TRMT44: variants seen among roughly 807,000 people sequenced by gnomAD.
TRMT44 encodes the protein probable tRNA (uracil-O(2)-)-methyltransferase.
A neutral mutation model predicts 77.3 loss-of-function variants in TRMT44; 78 were observed. The ratio of observed to expected loss-of-function variants is 1.01; its 90% CI spans 0.84 to 1.22. TRMT44 has a LOEUF of 1.22. Ranked by LOEUF, TRMT44 falls within the 50% of genes most tolerant of loss-of-function variation. The pLI is 0.00. For synonymous variants in TRMT44, 391 were observed against 383.3 expected (o/e 1.02, Z -0.23); for missense variants, 1,090 against 964.4 (o/e 1.13, Z -1.73).
chr4:8,482,590 G>C (rs1560248245), intron 2 of TRMT44, among the ~76,000 whole-genome samples: 1 of 152,232 alleles, frequency 6.6e-6, no homozygotes, highest in Non-Finnish European at 1.5e-5. Flanking sequence ...GCGGGCAGGA[G>C]TGGGGGTCGC....
At position 8,471,206 on chromosome 4, in the gene TRMT44, G is replaced by A. The variant is rs773648515; in HGVS notation, c.2044+6G>A. 26 of 1,545,308 alleles carry A rather than the reference G, an allele frequency of 1.7e-5. No homozygotes were observed. Among genetic ancestry groups the A allele is most frequent in the Middle Eastern group, 3.5e-4 (2 of 5,782 alleles). ...CAGCCACCAGGTGTTCCAAGGTACG[G>A]AGTCCGCCTCTCCCCCGCCGTTCTT... is the stretch of plus-strand genomic sequence containing the variant. On this transcript the variant is annotated splice_donor_region_variant and intron_variant, in intron 10 of 10. Transcript: ENST00000389737.
Position 8,446,636 on chromosome 4 carries a change from G to T in TRMT44, c.734+46G>T. On this transcript the variant is annotated intron_variant, in intron 2 of 10. Coordinates refer to ENST00000389737, the MANE Select transcript of TRMT44 (RefSeq NM_152544.3). The surrounding 1 kb of genome is among the most constrained non-coding windows in gnomAD (Gnocchi z 4.3). Reference sequence around the variant, plus strand: ...TCCTAGTTTTATGGTTTCCATTGAGGATTTCTTTAGGTAGCCAAAGGATTC... The same window carrying T: ...TCCTAGTTTTATGGTTTCCATTGAGTATTTCTTTAGGTAGCCAAAGGATTC... 7.3e-7 allele frequency: 1 copy of T among 1,371,960 alleles called. No individual in the cohort carries two copies. Among genetic ancestry groups the T allele is most frequent in the East Asian group, 2.5e-5 (1 of 39,884 alleles). 85.0% of individuals were successfully genotyped at this position (1,371,960 alleles called of 1,614,324 possible).
At chr4:8,498,166 G>A (rs943261783), downstream of TRMT44, among the ~76,000 whole-genome samples, 5 of 152,078 alleles carry the variant, frequency 3.3e-5, no homozygotes, top group African/African-American at 1.2e-4. This position sits in a 1 kb window ranked among gnomAD's most constrained non-coding sequence, Gnocchi z 4.3. Context: ...CAGTAGTTTG[G>A]GCAGCTGTGA....
rs1287772512 is a variant in TRMT44 at position 8,454,780 on chromosome 4, C to G, written c.1170C>G (p.Ile390Met). Residue 390 changes from isoleucine (I) to methionine (M), a missense_variant, in exon 6 of 11, where the codon ATC becomes ATG. Physicochemically the swap from Ile to Met is conservative, Grantham distance 10. Coordinates refer to ENST00000389737, the MANE Select transcript of TRMT44 (RefSeq NM_152544.3). ...GRGIDVRRRK[I>M]WDMYGPQTQL... ...GGATTGATGTCCGAAGAAGAAAAAT[C>G]TGGGACATGTATGGACCACAAACTC... 4.3e-6 allele frequency: 7 copies of G among 1,614,224 alleles called. No individual in the cohort carries two copies. Among genetic ancestry groups the G allele is most frequent in the Non-Finnish European group, 4.2e-6 (5 of 1,180,042 alleles).
chr4:8,511,463 AG>A, the TRMT44 span, among the ~76,000 whole-genome samples: 9 of 152,166 alleles, frequency 5.9e-5, no homozygotes, highest in Non-Finnish European at 1.2e-4. Flanking sequence ...ACTTTGCAGA[AG>A]TGATTTTGGA....
At position 8,440,932 on chromosome 4, in the gene TRMT44, G is replaced by A. The variant is rs1449759347; in HGVS notation, c.110G>A (p.Arg37Gln). 3.3e-6 allele frequency: 5 copies of A among 1,530,090 alleles called. No individual in the cohort carries two copies. Among genetic ancestry groups the A allele is most frequent in the South Asian group, 2.4e-5 (2 of 83,338 alleles). The allele number at this position is 1,530,090 out of a possible 1,614,324, so 94.8% of individuals were successfully genotyped here. A position where few individuals can be genotyped will look rare whatever the true frequency, so the allele number is the denominator to read the frequency against. The change falls in exon 1 of 11, where the codon CGG becomes CAG. Residue 37 changes from arginine to glutamine, a missense_variant. Transcript: ENST00000389737. ...GAGAGGCCGCAGGTGGCAAACAAAC[G>A]GCTTTGCGGCGCCCGCCTGGAGGCC... ...WLERPQVANKRLCGARLEARW... is the reference protein window; with the variant it reads ...WLERPQVANKQLCGARLEARW...
At chr4:8,457,024 C>CCA (rs1725852699) in intron 6 of TRMT44, among the ~76,000 whole-genome samples, 1 of 145,310 alleles carries the variant, frequency 6.9e-6, no homozygotes, top group African/African-American at 2.5e-5. Flanking sequence ...CCCGCCCCCC[C>CCA]CCCCCAACTA....
the TRMT44 span, among the ~76,000 whole-genome samples, chr4:8,508,136 A>G: frequency 1.3e-5 from 2 of 152,170 alleles, no homozygotes; most frequent in East Asian, 3.9e-4. Context: ...CGAACTCCTG[A>G]CCTCAGGTGA....
chr4:8,513,644 G>T, the TRMT44 span, among the ~76,000 whole-genome samples: 17 of 152,292 alleles, frequency 1.1e-4, no homozygotes, highest in South Asian at 3.3e-3. Flanking sequence ...ACCTGACAAA[G>T]AATTGGAACC....
chr4:8,449,658 T>A lies in TRMT44; in HGVS notation c.735-11T>A. The stretch of plus-strand genomic sequence containing the variant: ...TATCTGTGCTTATTCATATTTCTCT[T>A]ATTTTTAAAGGTTCATATCTGTTTT... On this transcript the variant is annotated splice_polypyrimidine_tract_variant and intron_variant, in intron 2 of 10. Coordinates refer to ENST00000389737, the MANE Select transcript of TRMT44 (RefSeq NM_152544.3). 6.6e-7 allele frequency: 1 copy of A among 1,522,520 alleles called. No individual in the cohort carries two copies. Among genetic ancestry groups the A allele is most frequent in the Non-Finnish European group, 8.8e-7 (1 of 1,135,364 alleles). 94.3% of individuals were successfully genotyped at this position (1,522,520 alleles called of 1,614,324 possible).
Position 8,483,660 on chromosome 4 carries a change from T to C in TRMT44, n.3891+4127T>C, listed in dbSNP as rs1331851850. 8.5e-5 allele frequency among the ~76,000 whole-genome samples: 13 copies of C among 152,266 alleles called. No homozygotes were observed. The East Asian group carries it at 2.3e-3, about 27-fold the overall frequency. ...TCTACTTTTCCTGAAGACTGAGAAC[T>C]GTAAGGGATATAAAGGTTTCACTGA... is the stretch of plus-strand genomic sequence containing the variant. On this transcript the variant is annotated intron_variant and non_coding_transcript_variant, in intron 2 of 2. Transcript: ENST00000511366.
intron 10 of TRMT44, 101 bp downstream of exon 10, chr4:8,471,301 T>C: frequency 2.4e-6 from 2 of 835,762 alleles, no homozygotes; most frequent in Admixed American, 3.1e-5. Context: ...CACTGAAGAA[T>C]CTGACAGAAG....
At chr4:8,456,530 A>G (rs1294448827) in intron 6 of TRMT44, among the ~76,000 whole-genome samples, 1 of 151,862 alleles carries the variant, frequency 6.6e-6, no homozygotes, top group Non-Finnish European at 1.5e-5. Flanking sequence ...ATCCAGTGTA[A>G]GAACTGTTGT....
chr4:8,499,947 C>G, the TRMT44 span, among the ~76,000 whole-genome samples: 2 of 152,182 alleles, frequency 1.3e-5, no homozygotes, highest in African/African-American at 2.4e-5. Flanking sequence ...AGCTCTCAGC[C>G]TATGGGCGCA....
In TRMT44 at chr4:8,446,548, G is replaced by C. The variant is rs1231286324; in HGVS notation, c.692G>C (p.Ser231Thr). ...GAGGGGAACCTAAAGGTTAAGATGA[G>C]CAATGTGTATCAAATTCAGCTCAGT... ...DDEGNLKVKM[S>T]NVYQIQLSHS... The change falls in exon 2 of 11, where the codon AGC (serine) becomes ACC (threonine). Residue 231 changes from serine to threonine, a missense_variant. By Grantham distance (58) the Ser-to-Thr change is moderately conservative. Transcript: ENST00000389737. The surrounding 1 kb of genome is among the most constrained non-coding windows in gnomAD (Gnocchi z 4.3). 8.5e-6 allele frequency: 13 copies of C among 1,536,194 alleles called. No individual in the cohort carries two copies. The highest frequency in any genetic ancestry group is 1.7e-4 in the Middle Eastern group (1 of 6,016).
chr4:8,467,781 T>C, intron 8 of TRMT44, 133 bp from the exon 9 acceptor site: 1 of 1,066,010 alleles, frequency 9.4e-7, no homozygotes, highest in East Asian at 2.5e-5. Flanking sequence ...CTGGTGTCAG[T>C]TTTTTAAATC....
At chr4:8,501,070 C>T in the TRMT44 span, among the ~76,000 whole-genome samples, 3 of 152,204 alleles carry the variant, frequency 2.0e-5, no homozygotes, top group Admixed American at 1.3e-4. The surrounding 1 kb of genome is among the most constrained non-coding windows in gnomAD (Gnocchi z 4.4). Flanking sequence ...GCCAGAAACC[C>T]GGATGCAGCC....
At chr4:8,477,938 T>A (rs986285877), downstream of TRMT44, 2 of 152,752 alleles carry the variant, frequency 1.3e-5, no homozygotes, top group Admixed American at 6.5e-5. Context: ...GGGGCACACC[T>A]CCTGAGCTAA....
chr4:8,467,659 G>A (rs1376549564), intron 8 of TRMT44, among the ~76,000 whole-genome samples: 1 of 152,040 alleles, frequency 6.6e-6, no homozygotes, highest in Non-Finnish European at 1.5e-5. Context: ...TTTTGTATTT[G>A]TAGTAGAGAC....
Sources: gnomAD v4.1 joint callset for allele counts (sites outside exome capture counted in the v4.1 genomes callset) on GRCh38, gnomAD v4.1.1 for gene constraint, Gnocchi (gnomAD v3.1) non-coding constraint, MANE v1.5 for transcripts, NCBI Gene and HGNC (gene_info 2026-07-23, HGNC 2026-07-21) for gene names.